Variants in BTN2A1 observed in about 807,000 individuals in gnomAD.
BTN2A1 encodes butyrophilin, subfamily 2, member A1.
A neutral mutation model predicts 34.5 loss-of-function variants in BTN2A1; 41 were observed. That is an observed-to-expected ratio of 1.19 (90% CI 0.93 to 1.54). BTN2A1 has a LOEUF of 1.54. Among genes scored for constraint, BTN2A1 ranks in the 40% most tolerant of loss-of-function variants. BTN2A1 has a pLI of 0.00. For missense variants in BTN2A1, 642 were observed against 662.0 expected (o/e 0.97, Z 0.33); for synonymous variants, 267 against 258.6 (o/e 1.03, Z -0.31).
At position 26,465,338 on chromosome 6, in the gene BTN2A1, CAA is replaced by C. The variant is rs761808362; in HGVS notation, c.867_868del (p.Glu291AsnfsTer38). 177 of 1,613,974 alleles carry C rather than the reference CAA, an allele frequency of 1.1e-4. No homozygotes were observed. The highest frequency in any genetic ancestry group is 1.4e-4 in the Non-Finnish European group (167 of 1,179,988). On this transcript the variant is annotated frameshift_variant, in exon 5 of 8. Transcript: ENST00000312541. LOFTEE classifies it high-confidence loss of function. Reference sequence around the variant, plus strand: ...GGGGAAAAGGAGTTTGAACGGGAAACAAGAGAAATTGCTCTAAAGGAACTGGA... The same window carrying C: ...GGGGAAAAGGAGTTTGAACGGGAAACGAGAAATTGCTCTAAAGGAACTGGA...
At chr6:26,465,130 C>G in intron 4 of BTN2A1, 55 bp from the exon 5 acceptor site, 2 of 1,509,776 alleles carry the variant, frequency 1.3e-6, no homozygotes, top group Non-Finnish European at 9.2e-7. Context: ...TAGGGGCACT[C>G]TTACCCCAGA....
At position 26,458,655 on chromosome 6, in the gene BTN2A1, C is replaced by G. The variant is rs747828235; in HGVS notation, c.19C>G (p.Leu7Val). 7 of 1,614,128 alleles carry G rather than the reference C, an allele frequency of 4.3e-6. No homozygotes were observed. The highest frequency in any genetic ancestry group is 5.9e-6 in the Non-Finnish European group (7 of 1,180,012). MESAAALHFSRPASLLL... is the reference protein window; with the variant it reads MESAAAVHFSRPASLLL... Reference sequence around the variant, plus strand: ...GGTGCTCATGGAATCAGCTGCTGCCCTGCACTTCTCCCGGCCAGCCTCCCT... The same window carrying G: ...GGTGCTCATGGAATCAGCTGCTGCCGTGCACTTCTCCCGGCCAGCCTCCCT... The change falls in exon 2 of 8, where the codon CTG (leucine) becomes GTG (valine). Residue 7 changes from leucine (L) to valine (V), a missense_variant. Leu to Val is a conservative substitution (Grantham distance 32, BLOSUM62 1). Transcript: ENST00000312541.
In BTN2A1 at chr6:26,464,604, G is replaced by A. The variant is rs193119605; in HGVS notation, c.713-581G>A. On this transcript the variant is annotated intron_variant, in intron 4 of 7. Transcript: ENST00000312541. ...GAGCATATGCAAAGGGCCTGGGGAA[G>A]GAACATCTCTGGCAGTTTCCAGGAC... is the stretch of plus-strand genomic sequence containing the variant. Among the ~76,000 whole-genome samples, 310 of 152,270 alleles carry A rather than the reference G, an allele frequency of 2.0e-3. 1 individual carries two copies. The highest frequency in any genetic ancestry group is 6.7e-3 in the African/African-American group (280 of 41,548).
At chr6:26,473,896 G>T (rs1015727081), downstream of BTN2A1, among the ~76,000 whole-genome samples, 7 of 152,180 alleles carry the variant, frequency 4.6e-5, no homozygotes, top group African/African-American at 1.4e-4. Context: ...ACCGTCCCCA[G>T]TGGCTTCTGC....
Position 26,468,408 on chromosome 6 carries a change from C to T in BTN2A1, c.1443C>T (p.Ser481=), listed in dbSNP as rs139461431. 40 of 1,614,088 alleles carry T rather than the reference C, an allele frequency of 2.5e-5. No homozygotes were observed. The highest frequency in any genetic ancestry group is 5.5e-5 in the South Asian group (5 of 91,086). The change falls in exon 8 of 8, where the codon TCC becomes TCT. Residue 481 remains serine (S), a synonymous_variant. Coordinates refer to ENST00000312541, the MANE Select transcript of BTN2A1 (RefSeq NM_007049.5). ...ACACATGTCCCCGTTCAGCCTTTTCCGTGCCTGTGAGGCCCTTCTTCAGGT... is the reference window on the plus strand; with the variant it reads ...ACACATGTCCCCGTTCAGCCTTTTCTGTGCCTGTGAGGCCCTTCTTCAGGT... ...HIYTCPRSAF[S]VPVRPFFRLG...
chr6:26,465,470 G>GCCTCC, intron 5 of BTN2A1, 64 bp downstream of exon 5: 1 of 1,507,660 alleles, frequency 6.6e-7, no homozygotes, highest in South Asian at 1.2e-5. Flanking sequence ...GCTGAGGCAG[G>GCCTCC]CAGATCACTT....
intron 7 of BTN2A1, among the ~76,000 whole-genome samples, chr6:26,475,646 G>A (rs1426274486): frequency 6.6e-6 from 1 of 152,084 alleles, no homozygotes; most frequent in African/African-American, 2.4e-5. Flanking sequence ...AGTGGCTCAC[G>A]CCTGTAATTT....
chr6:26,467,941 T>G lies in BTN2A1; in HGVS notation c.983-7T>G, dbSNP rs1763360639. The G allele has an allele frequency of 6.2e-7, 1 of 1,609,314 alleles. No individual in the cohort carries two copies. Among genetic ancestry groups the G allele is most frequent in the Admixed American group, 1.7e-5 (1 of 59,784 alleles). On this transcript the variant is annotated splice_region_variant and splice_polypyrimidine_tract_variant and intron_variant, in intron 7 of 7. Transcript: ENST00000312541. ...CCCCAGGCCTAAACCTGAGACTTCC[T>G]CTGCAGTTGATGTGGTCCTGGATCC...
At position 26,459,680 on chromosome 6, in the gene BTN2A1, A is replaced by C. The variant is rs1424284826; in HGVS notation, c.282A>C (p.Gly94=). The change falls in exon 3 of 8, where the codon GGA becomes GGC. Residue 94 remains glycine (G), a synonymous_variant. Coordinates refer to ENST00000312541, the MANE Select transcript of BTN2A1 (RefSeq NM_007049.5). The part of the protein sequence containing the change: ...RTEEQMEEYR[G]RTTFVSKDIS... ...AGGAGCAGATGGAGGAGTACCGAGGAAGAACCACCTTTGTGAGCAAAGACA... is the reference window on the plus strand; with the variant it reads ...AGGAGCAGATGGAGGAGTACCGAGGCAGAACCACCTTTGTGAGCAAAGACA... 1.2e-6 allele frequency: 2 copies of C among 1,614,164 alleles called. No individual in the cohort carries two copies. The highest frequency in any genetic ancestry group is 1.7e-6 in the Non-Finnish European group (2 of 1,180,010).
chr6:26,474,861 GC>G (rs1212972224), intron 7 of BTN2A1, among the ~76,000 whole-genome samples: 1 of 151,706 alleles, frequency 6.6e-6, no homozygotes, highest in East Asian at 1.9e-4. Context: ...CAATTCTCTG[GC>G]CTCAGCCTCC....
At chr6:26,471,004 G>A (rs1048006504), downstream of BTN2A1, among the ~76,000 whole-genome samples, 2 of 152,110 alleles carry the variant, frequency 1.3e-5, no homozygotes, top group African/African-American at 2.4e-5. Context: ...TGACTGAAAC[G>A]ATCAGGCATC....
At chr6:26,474,273 G>A (rs1763501523), downstream of BTN2A1, among the ~76,000 whole-genome samples, 1 of 152,186 alleles carries the variant, frequency 6.6e-6, no homozygotes, top group Admixed American at 6.5e-5. Flanking sequence ...GCAGCCAAGT[G>A]ATCAGACTAT....
At chr6:26,466,219 A>C in intron 7 of BTN2A1, 131 bp downstream of exon 7, 1 of 1,352,520 alleles carries the variant, frequency 7.4e-7, no homozygotes, top group East Asian at 2.3e-5. Flanking sequence ...CAGTTCATCA[A>C]CAGTGTCCCA....
intron 7 of BTN2A1, among the ~76,000 whole-genome samples, chr6:26,475,958 C>A (rs898223217): frequency 2.0e-5 from 3 of 152,070 alleles, no homozygotes; most frequent in African/African-American, 7.2e-5. Context: ...GTCTATTTTT[C>A]TGTTGATTTC....
rs1432573490 is a variant in BTN2A1, at chr6:26,465,409, A to T, written c.934+3A>T. 5 of 1,613,452 alleles carry T rather than the reference A, an allele frequency of 3.1e-6. No individual in the cohort carries two copies. The highest frequency in any genetic ancestry group is 4.5e-5 in the East Asian group (2 of 44,890). On this transcript the variant is annotated splice_donor_region_variant and intron_variant, in intron 5 of 7. Transcript: ENST00000312541. ...AGAGGAAGAACTTCAAGTAAAAGGT[A>T]AAAGAGGCTGAGTATGGTGGCTCAT... is the stretch of plus-strand genomic sequence containing the variant.
chr6:26,463,581 G>A, intron 4 of BTN2A1, 56 bp downstream of exon 4: 2 of 1,563,916 alleles, frequency 1.3e-6, no homozygotes, highest in Non-Finnish European at 1.7e-6. Flanking sequence ...TCAGCACACA[G>A]ATGGAGCCCA....
At chr6:26,472,145 A>G (rs113209123), downstream of BTN2A1, among the ~76,000 whole-genome samples, 10 of 152,242 alleles carry the variant, frequency 6.6e-5, 1 homozygote, top group South Asian at 4.1e-4. Flanking sequence ...TGCATCTTCA[A>G]TGTTGCCTCA....
Position 26,468,714 on chromosome 6 carries a change from C to T in BTN2A1, c.*165C>T. On this transcript the variant is annotated 3_prime_UTR_variant, in exon 8 of 8. Coordinates refer to ENST00000312541, the MANE Select transcript of BTN2A1 (RefSeq NM_007049.5). Reference sequence around the variant, plus strand: ...CACTACAGACCTCAGCCCCAGTTTTCTCCTCCTCACTAGGCTGTGTTTTTA... The same window carrying T: ...CACTACAGACCTCAGCCCCAGTTTTTTCCTCCTCACTAGGCTGTGTTTTTA... 6.2e-7 allele frequency: 1 copy of T among 1,612,952 alleles called. No homozygotes were observed. Among genetic ancestry groups the T allele is most frequent in the Non-Finnish European group, 8.5e-7 (1 of 1,179,796 alleles).
In BTN2A1 at chr6:26,468,275, C is replaced by G. The variant is rs1763376460; in HGVS notation, c.1310C>G (p.Pro437Arg). Reference protein sequence around the residue: ...HKGQYRAVSSPDRILPLKESL... With the variant: ...HKGQYRAVSSRDRILPLKESL... ...GGGCAATACCGGGCCGTGTCCTCCC[C>G]TGATAGGATTCTCCCTTTGAAGGAG... The change falls in exon 8 of 8, where the codon CCT becomes CGT. Residue 437 changes from proline (P) to arginine (R), a missense_variant. Pro to Arg is a moderately radical substitution (Grantham distance 103). Transcript: ENST00000312541. The G allele has an allele frequency of 1.2e-6, 2 of 1,614,212 alleles. No homozygotes were observed. The highest frequency in any genetic ancestry group is 2.7e-5 in the African/African-American group (2 of 75,054).
Sources: allele counts gnomAD v4.1 joint callset (sites outside exome capture counted in the v4.1 genomes callset), GRCh38; gene constraint gnomAD v4.1.1; transcripts MANE v1.5; gene names NCBI Gene and HGNC (gene_info 2026-07-23, HGNC 2026-07-21).